KIRREL2: variants seen among roughly 807,000 people sequenced by gnomAD.
KIRREL2 encodes kirre like nephrin family adhesion molecule 2, also known as kin of IRRE-like protein 2.
A neutral mutation model predicts 73.4 loss-of-function variants in KIRREL2; 56 were observed. That is an observed-to-expected ratio of 0.76 (90% CI 0.62 to 0.95). The LOEUF (loss-of-function observed/expected upper bound fraction) is 0.95, where lower values mean the gene tolerates loss of function less well. Ranked by LOEUF, KIRREL2 falls within the 40% of genes least tolerant of loss-of-function variation. The pLI is 0.00. For missense variants in KIRREL2, 896 were observed against 935.0 expected (o/e 0.96, Z 0.54); for synonymous variants, 407 against 404.0 (o/e 1.01, Z -0.09).
At chr19:35,858,643 G>C in intron 3 of KIRREL2, 61 bp from the exon 4 acceptor site, 3 of 1,608,638 alleles carry the variant, frequency 1.9e-6, no homozygotes, top group Non-Finnish European at 2.6e-6. Flanking sequence ...GAGCCCAGGG[G>C]CATGGTCAAT....
intron 13 of KIRREL2, 134 bp from the exon 14 acceptor site, chr19:35,864,514 G>T: frequency 1.5e-6 from 1 of 664,312 alleles, no homozygotes. Context: ...ATTGTCCTGA[G>T]TGCAGTCCCC....
At chr19:35,855,223 T>C (rs1277139165), upstream of KIRREL2, among the ~76,000 whole-genome samples, 1 of 151,852 alleles carries the variant, frequency 6.6e-6, no homozygotes, top group Non-Finnish European at 1.5e-5. Context: ...GGGGAGTGGC[T>C]CTGTCCTGGG....
intron 14 of KIRREL2, among the ~76,000 whole-genome samples, chr19:35,865,721 C>T (rs1226736835): frequency 6.6e-6 from 1 of 152,220 alleles, no homozygotes; most frequent in African/African-American, 2.4e-5. Context: ...GCCCTGACCC[C>T]TCTGGGTACT....
chr19:35,854,944 C>T (rs1049925063), upstream of KIRREL2, among the ~76,000 whole-genome samples: 3 of 152,134 alleles, frequency 2.0e-5, no homozygotes, highest in Admixed American at 2.0e-4. Context: ...CTGCCCTCCC[C>T]GCGTGCACAT....
upstream of KIRREL2, among the ~76,000 whole-genome samples, chr19:35,853,241 G>A (rs1040125543): frequency 1.3e-5 from 2 of 152,194 alleles, no homozygotes; most frequent in African/African-American, 4.8e-5. Flanking sequence ...AGTGGGGAAG[G>A]TTAGAGTGAA....
Position 35,866,387 on chromosome 19 carries a change from C to G in KIRREL2, c.2022C>G (p.Ile674Met). ...TPHPRAFTSY[I>M]KPTSFGPPDL... ...ACCCTCGAGCTTTCACCAGCTACAT[C>G]AAACCCACATCCTTTGGGCCCCCAG... Residue 674 changes from isoleucine (I) to methionine (M), a missense_variant, in exon 15 of 15, where the codon ATC becomes ATG. Physicochemically the swap from Ile to Met is conservative, Grantham distance 10. Coordinates refer to ENST00000360202, the MANE Select transcript of KIRREL2 (RefSeq NM_199180.4). 6.2e-7 allele frequency: 1 copy of G among 1,613,618 alleles called. No individual in the cohort carries two copies. The highest frequency in any genetic ancestry group is 2.2e-5 in the East Asian group (1 of 44,864).
upstream of KIRREL2, among the ~76,000 whole-genome samples, chr19:35,854,315 C>A (rs1286655905): frequency 6.6e-6 from 1 of 151,296 alleles, no homozygotes; most frequent in African/African-American, 2.4e-5. Flanking sequence ...TCTTTTTTTT[C>A]TTTTTTCTCT....
At chr19:35,854,093 C>T (rs571425047), upstream of KIRREL2, among the ~76,000 whole-genome samples, 24 of 151,932 alleles carry the variant, frequency 1.6e-4, no homozygotes, top group South Asian at 4.8e-3. Context: ...AACCCACCTG[C>T]CTTGGCCCCC....
At chr19:35,860,871 C>A in intron 7 of KIRREL2, 38 bp from the exon 8 acceptor site, 1 of 1,612,060 alleles carries the variant, frequency 6.2e-7, no homozygotes, top group Non-Finnish European at 8.5e-7. Flanking sequence ...TGGCTGCATT[C>A]CGCCCCGGCC....
chr19:35,862,878 A>G (rs1455287647), intron 12 of KIRREL2, 49 bp from the exon 13 acceptor site: 3 of 1,133,534 alleles, frequency 2.6e-6, no homozygotes, highest in East Asian at 2.6e-5. Context: ...TGGTCTGCAC[A>G]CATTGTGACC....
rs546959984 is a variant in KIRREL2 at position 35,866,594 on chromosome 19, C to T, written c.*102C>T. The T allele has an allele frequency of 7.3e-6, 11 of 1,516,546 alleles. No homozygotes were observed. The East Asian group carries it at 2.5e-4, about 34-fold the overall frequency. 93.9% of individuals were successfully genotyped at this position (1,516,546 alleles called of 1,614,324 possible). A position where few individuals can be genotyped will look rare whatever the true frequency, so the allele number is the denominator to read the frequency against. On this transcript the variant is annotated 3_prime_UTR_variant, in exon 15 of 15. Transcript: ENST00000360202. Reference sequence around the variant, plus strand: ...AGTTGGCGACCTTACTCCTCCAAAACTGAACACAAGGGGAGGGAAAGATCA... The same window carrying T: ...AGTTGGCGACCTTACTCCTCCAAAATTGAACACAAGGGGAGGGAAAGATCA...
chr19:35,856,538 G>T (rs1238683074), upstream of KIRREL2: 1 of 158,430 alleles, frequency 6.3e-6, no homozygotes, highest in Non-Finnish European at 1.4e-5. The surrounding 1 kb of genome is among the most constrained non-coding windows in gnomAD (Gnocchi z 5.9). Context: ...ATCCCCCAGG[G>T]CGCGGAAACT....
upstream of KIRREL2, among the ~76,000 whole-genome samples, chr19:35,852,316 C>G (rs1973292177): frequency 6.6e-6 from 1 of 151,974 alleles, no homozygotes; most frequent in African/African-American, 2.4e-5. Context: ...CTCTCTCTCT[C>G]TCTCTCTCTC....
chr19:35,860,856 G>A (rs1401349139), intron 7 of KIRREL2, 53 bp from the exon 8 acceptor site: 2 of 1,610,768 alleles, frequency 1.2e-6, no homozygotes, highest in Non-Finnish European at 1.7e-6. Flanking sequence ...CTGATCCCAG[G>A]TCAGTGGCTG....
chr19:35,858,338 T>C, intron 2 of KIRREL2, 70 bp from the exon 3 acceptor site: 1 of 1,557,800 alleles, frequency 6.4e-7, no homozygotes, highest in East Asian at 2.3e-5. Flanking sequence ...GTGGAGGATG[T>C]CTGGGGATGG....
In KIRREL2 at chr19:35,866,434, C is replaced by A. The variant is rs530177929; in HGVS notation, c.2069C>A (p.Pro690His). 8.3e-5 allele frequency: 134 copies of A among 1,606,614 alleles called. No homozygotes were observed. In the South Asian group the frequency reaches 1.3e-3, roughly 16 times the overall value. The stretch of plus-strand genomic sequence containing the variant: ...CCAGATCTGGCCCCCGGGACTCCCC[C>A]CTTCCCATATGCTGCCTTCCCCACA... ...GPPDLAPGTP[P>H]FPYAAFPTPS... Residue 690 changes from proline (P) to histidine (H), a missense_variant, in exon 15 of 15, where the codon CCC becomes CAC. Physicochemically the swap from Pro to His is moderately conservative, Grantham distance 77 (BLOSUM62 -2). Coordinates refer to ENST00000360202, the MANE Select transcript of KIRREL2 (RefSeq NM_199180.4).
chr19:35,861,614 T>C lies in KIRREL2; in HGVS notation c.1263T>C (p.Val421=), dbSNP rs774939895. Residue 421 remains valine, a synonymous_variant, in exon 10 of 15, where the codon GTT becomes GTC. Coordinates refer to ENST00000360202, the MANE Select transcript of KIRREL2 (RefSeq NM_199180.4). The stretch of plus-strand genomic sequence containing the variant: ...GCCCTGCTCGCCTCCAGTGTCTGGT[T>C]TTCGCCTCTCCCGCCCCAGATGCCG... ...LRGPARLQCL[V]FASPAPDAVV... 1.2e-6 allele frequency: 2 copies of C among 1,613,388 alleles called. No homozygotes were observed. The highest frequency in any genetic ancestry group is 2.7e-5 in the African/African-American group (2 of 74,832).
rs189698294 is a variant in KIRREL2 at position 35,862,489 on chromosome 19, G to A, written c.1511-4G>A. ...TCTCAGGATGTCCCCTCTGCTCCCTGCAGACTTGCTGCCCACTGTGCGGAT... is the reference window on the plus strand; with the variant it reads ...TCTCAGGATGTCCCCTCTGCTCCCTACAGACTTGCTGCCCACTGTGCGGAT... On this transcript the variant is annotated splice_region_variant and splice_polypyrimidine_tract_variant and intron_variant, in intron 11 of 14. Coordinates refer to ENST00000360202, the MANE Select transcript of KIRREL2 (RefSeq NM_199180.4). The A allele has an allele frequency of 1.5e-5, 24 of 1,606,910 alleles. No individual in the cohort carries two copies. In the Admixed American group the frequency reaches 2.3e-4, roughly 16 times the overall value.
chr19:35,855,863 C>T (rs1292690326), upstream of KIRREL2: 1 of 152,044 alleles, frequency 6.6e-6, no homozygotes, highest in Non-Finnish European at 1.5e-5. Flanking sequence ...GTGCACCATG[C>T]ACTTGAGTGC....
Sources: gnomAD v4.1 joint callset for allele counts (sites outside exome capture counted in the v4.1 genomes callset) on GRCh38, gnomAD v4.1.1 for gene constraint, Gnocchi (gnomAD v3.1) non-coding constraint, MANE v1.5 for transcripts, NCBI Gene and HGNC (gene_info 2026-07-23, HGNC 2026-07-21) for gene names.